Variants in AR observed in about 807,000 individuals in gnomAD.
AR encodes dihydrotestosterone receptor.
In AR, 8 loss-of-function variants were observed where a neutral mutation model predicts 53.9. That is an observed-to-expected ratio of 0.15 (90% confidence interval 0.09 to 0.27). The LOEUF is 0.27. Among genes scored for constraint, AR ranks in the 10% least tolerant of loss-of-function variants. AR has a pLI of 1.00. For synonymous variants in AR, 359 were observed against 316.4 expected, an observed-to-expected ratio of 1.13 and a Z score of -1.43; for missense variants, 639 against 742.5, an observed-to-expected ratio of 0.86 and a Z score of 1.62.
intron 2 of AR, among the ~76,000 whole-genome samples, chrX:67,684,340 C>A (rs2075953821): frequency 8.9e-6 from 1 of 111,945 alleles, no homozygotes; most frequent in African/African-American, 3.2e-5. Flanking sequence ...CAAATAAAAT[C>A]TTGTGGTATG....
intron 2 of AR, among the ~76,000 whole-genome samples, chrX:67,646,028 T>TCTTC (rs1926040441): frequency 8.9e-6 from 1 of 112,401 alleles, no homozygotes; most frequent in Non-Finnish European, 1.9e-5. Context: ...AAAATCTTTC[T>TCTTC]CTTCCTTACT....
intron 3 of AR, among the ~76,000 whole-genome samples, chrX:67,697,520 TGCCC>T (rs1224174108): frequency 9.0e-6 from 1 of 111,406 alleles, no homozygotes; most frequent in Non-Finnish European, 1.9e-5. Context: ...TGAGACCAGT[TGCCC>T]AACATGGAAG....
chrX:67,559,101 A>T (rs1218303025), intron 1 of AR, among the ~76,000 whole-genome samples: 2 of 112,375 alleles, frequency 1.8e-5, no homozygotes, highest in East Asian at 5.6e-4. Context: ...TGAACAACTC[A>T]TATCCTTAAT....
chrX:67,657,843 A>G (rs1225511825), intron 2 of AR, among the ~76,000 whole-genome samples: 1 of 111,348 alleles, frequency 9.0e-6, no homozygotes, highest in Non-Finnish European at 1.9e-5. Flanking sequence ...GTTTCCATAT[A>G]CTCAGGTTGT....
intron 2 of AR, among the ~76,000 whole-genome samples, chrX:67,678,849 T>C (rs893544965): frequency 1.8e-5 from 2 of 110,870 alleles, no homozygotes; most frequent in Admixed American, 1.9e-4. Context: ...AAGCAGAGAG[T>C]AGAATGGTGG....
chrX:67,598,314 G>T (rs1483554562), intron 1 of AR, among the ~76,000 whole-genome samples: 2 of 97,558 alleles, frequency 2.1e-5, no homozygotes, highest in East Asian at 3.2e-4. Context: ...ACGGAGTCTT[G>T]CTGTCTTGCC....
At chrX:67,555,475 T>G (rs1173441300) in intron 1 of AR, among the ~76,000 whole-genome samples, 4 of 112,064 alleles carry the variant, frequency 3.6e-5, no homozygotes, top group Non-Finnish European at 5.6e-5. Context: ...ACTTGGTGGG[T>G]ACATGTTTAT....
intron 1 of AR, among the ~76,000 whole-genome samples, chrX:67,624,785 T>C (rs1487787634): frequency 9.3e-6 from 1 of 107,534 alleles, no homozygotes; most frequent in Non-Finnish European, 1.9e-5. Flanking sequence ...ACAGCTAACA[T>C]CATACTAAAT....
At chrX:67,712,729 A>T (rs1367052035) in intron 4 of AR, among the ~76,000 whole-genome samples, 1 of 112,125 alleles carries the variant, frequency 8.9e-6, no homozygotes, top group African/African-American at 3.2e-5. Flanking sequence ...AGTGAAGTAT[A>T]TGCCCTTTAA....
At chrX:67,643,522 G>T in intron 2 of AR, 115 bp downstream of exon 2, 1 of 1,026,583 alleles carries the variant, frequency 9.7e-7, no homozygotes, top group African/African-American at 1.9e-5. Context: ...TCATTGGCAA[G>T]GCCCTATCAA....
intron 1 of AR, among the ~76,000 whole-genome samples, chrX:67,605,225 A>G (rs1923569440): frequency 8.9e-6 from 1 of 112,541 alleles, no homozygotes; most frequent in South Asian, 3.7e-4. Flanking sequence ...TCTTTGGAAC[A>G]GTGTCCTTCA....
intron 1 of AR, among the ~76,000 whole-genome samples, chrX:67,605,704 C>A (rs1416857979): frequency 1.8e-5 from 2 of 112,135 alleles, no homozygotes; most frequent in Non-Finnish European, 3.8e-5. Flanking sequence ...CAGTTTTTCC[C>A]TTTCTTATCT....
chrX:67,704,239 T>C (rs2076055406), intron 3 of AR, among the ~76,000 whole-genome samples: 1 of 112,102 alleles, frequency 8.9e-6, no homozygotes, highest in Non-Finnish European at 1.9e-5. Flanking sequence ...CCACAATGGT[T>C]GAACTAGTTT....
chrX:67,569,022 G>T lies in AR; in HGVS notation c.1616+22260G>T, dbSNP rs2147344540. 8.3e-7 allele frequency: 1 copy of T among 1,210,505 alleles called. No individual in the cohort carries two copies. The highest frequency in any genetic ancestry group is 1.1e-6 in the Non-Finnish European group (1 of 894,750). On this transcript the variant is annotated intron_variant, in intron 1 of 7. Coordinates refer to ENST00000374690, the MANE Select transcript of AR (RefSeq NM_000044.6). ...TTTCCCATGATACTCTGGCTTCACA[G>T]GTGGGAGGTTCTTCAATTGAAAACT...
intron 3 of AR, among the ~76,000 whole-genome samples, chrX:67,696,845 A>G (rs1352778406): frequency 1.8e-5 from 2 of 111,303 alleles, no homozygotes; most frequent in African/African-American, 6.5e-5. Context: ...ATGCTATTCA[A>G]CCCGATGAAA....
chrX:67,655,834 A>T (rs1414125497), intron 2 of AR, among the ~76,000 whole-genome samples: 1 of 112,498 alleles, frequency 8.9e-6, no homozygotes, highest in East Asian at 2.8e-4. Context: ...AAACACTGAT[A>T]ACAGTACTTC....
intron 1 of AR, among the ~76,000 whole-genome samples, chrX:67,630,682 A>C (rs1181118466): frequency 9.1e-6 from 1 of 109,895 alleles, no homozygotes; most frequent in Non-Finnish European, 1.9e-5. Context: ...TCCTGTCATT[A>C]TGATTTTAGC....
At chrX:67,579,111 T>C (rs905805945) in intron 1 of AR, among the ~76,000 whole-genome samples, 3 of 111,984 alleles carry the variant, frequency 2.7e-5, no homozygotes, top group Non-Finnish European at 5.6e-5. Flanking sequence ...CAAAGTAAAG[T>C]GCCAGAGTTT....
chrX:67,631,440 G>T (rs1925108506), intron 1 of AR, among the ~76,000 whole-genome samples: 1 of 112,110 alleles, frequency 8.9e-6, no homozygotes, highest in Admixed American at 9.5e-5. Flanking sequence ...ATTGGCTCCT[G>T]AGGTTTCTGC....
Sources: allele counts gnomAD v4.1 joint callset (sites outside exome capture counted in the v4.1 genomes callset), GRCh38; gene constraint gnomAD v4.1.1; transcripts MANE v1.5; gene names NCBI Gene and HGNC (gene_info 2026-07-23, HGNC 2026-07-21).